EDNRA: variants seen among roughly 807,000 people sequenced by gnomAD.
EDNRA encodes the protein endothelin receptor type A.
EDNRA carries 11 observed loss-of-function variants against 41.4 expected under a neutral mutation model. The ratio of observed to expected loss-of-function variants is 0.27; its 90% confidence interval spans 0.17 to 0.44. EDNRA has a LOEUF of 0.44. EDNRA is among the 20% of genes least tolerant of loss of function. EDNRA has a pLI of 1.00. For synonymous variants in EDNRA, 172 were observed against 183.0 expected (o/e 0.94, Z 0.49); for missense variants, 294 against 531.0 (o/e 0.55, Z 4.39).
At chr4:147,531,883 G>A (rs1290144022) in intron 3 of EDNRA, among the ~76,000 whole-genome samples, 2 of 151,416 alleles carry the variant, frequency 1.3e-5, no homozygotes, top group African/African-American at 2.4e-5. Context: ...GGTGGCGGGT[G>A]CCTGTAGTCC....
intron 2 of EDNRA, chr4:147,488,872 A>G (rs1281633515): frequency 6.6e-6 from 1 of 152,194 alleles, no homozygotes; most frequent in Non-Finnish European, 1.5e-5. Context: ...TCTGTCACAT[A>G]TTAAACCTAT....
At position 147,486,035 on chromosome 4, in the gene EDNRA, G is replaced by A. The variant is rs201702493; in HGVS notation, c.354G>A (p.Leu118=). Reference sequence around the variant, plus strand: ...GTATGAGGAATGGCCCCAACGCGCTGATAGCCAGTCTTGCCCTTGGAGACC... The same window carrying A: ...GTATGAGGAATGGCCCCAACGCGCTAATAGCCAGTCTTGCCCTTGGAGACC... ...NKCMRNGPNA[L]IASLALGDLI... The change falls in exon 2 of 8, where the codon CTG becomes CTA. Residue 118 remains leucine, a synonymous_variant. Coordinates refer to ENST00000651419, the MANE Select transcript of EDNRA (RefSeq NM_001957.4). This position sits in a 1 kb window ranked among gnomAD's most constrained non-coding sequence, Gnocchi z 4.3. The A allele has an allele frequency of 5.1e-5, 83 of 1,614,114 alleles. No individual in the cohort carries two copies. In the Middle Eastern group the frequency reaches 8.2e-4, roughly 16 times the overall value.
chr4:147,491,964 C>T (rs971314787), intron 2 of EDNRA: 3 of 152,284 alleles, frequency 2.0e-5, no homozygotes, highest in African/African-American at 4.8e-5. Context: ...CGCTACCTCT[C>T]TATACTCCAG....
intron 1 of EDNRA, among the ~76,000 whole-genome samples, chr4:147,482,728 T>G (rs1379755324): frequency 1.3e-5 from 2 of 152,182 alleles, no homozygotes; most frequent in African/African-American, 4.8e-5. Context: ...AAGGGGGTTT[T>G]AATGATAGCT....
intron 6 of EDNRA, 31 bp downstream of exon 6, chr4:147,539,981 G>A (rs2126487481): frequency 1.3e-6 from 2 of 1,553,118 alleles, no homozygotes; most frequent in Non-Finnish European, 1.7e-6. Context: ...TAGAAAATTG[G>A]AGTTTCTCAG....
At chr4:147,499,202 C>A (rs998187250) in intron 2 of EDNRA, among the ~76,000 whole-genome samples, 16 of 152,186 alleles carry the variant, frequency 1.1e-4, no homozygotes, top group Non-Finnish European at 1.6e-4. Flanking sequence ...ACTACAGGCA[C>A]ATGCCACCAT....
At chr4:147,510,579 T>C (rs950850160) in intron 2 of EDNRA, among the ~76,000 whole-genome samples, 7 of 152,204 alleles carry the variant, frequency 4.6e-5, no homozygotes, top group Non-Finnish European at 1.0e-4. Flanking sequence ...TTAACTGATA[T>C]TTTTTCTACA....
chr4:147,485,164 G>A (rs556825707), intron 1 of EDNRA, among the ~76,000 whole-genome samples: 1 of 137,846 alleles, frequency 7.3e-6, no homozygotes, highest in Admixed American at 7.1e-5. Context: ...CCTGAATGTA[G>A]AGAAAGAAGT....
chr4:147,531,914 G>C (rs1730753836), intron 3 of EDNRA, among the ~76,000 whole-genome samples: 1 of 151,484 alleles, frequency 6.6e-6, no homozygotes, highest in Admixed American at 6.6e-5. Context: ...GGAGGCTGAG[G>C]CAGGAGAATG....
rs57911108 is a variant in EDNRA, at chr4:147,504,957, CAAAAAAAA to C, written c.421-14881_421-14874del. Among the ~76,000 whole-genome samples the C allele has an allele frequency of 5.1e-5, 2 of 39,046 alleles. 1 individual carries two copies. Among genetic ancestry groups the C allele is most frequent in the Admixed American group, 6.5e-4 (2 of 3,098 alleles). The allele number at this position is 39,046 out of a possible 152,430, so 25.6% of individuals were successfully genotyped here. A position where few individuals can be genotyped will look rare whatever the true frequency, so the allele number is the denominator to read the frequency against. Reference sequence around the variant, plus strand: ...TGGGCAACAAAGTGGGACCCTGTCTCAAAAAAAAAAAAAAAAAAAAGGATTCATATCTA... The same window carrying C: ...TGGGCAACAAAGTGGGACCCTGTCTCAAAAAAAAAAAAGGATTCATATCTA... On this transcript the variant is annotated intron_variant, in intron 2 of 7. Transcript: ENST00000651419.
At chr4:147,501,517 C>G in intron 2 of EDNRA, among the ~76,000 whole-genome samples, 1 of 152,212 alleles carries the variant, frequency 6.6e-6, no homozygotes, top group African/African-American at 2.4e-5. Context: ...AATTTCCCCA[C>G]TCCCACCCTC....
chr4:147,519,297 T>G lies in EDNRA; in HGVS notation c.421-554T>G, dbSNP rs573087639. 6.6e-5 allele frequency among the ~76,000 whole-genome samples: 10 copies of G among 152,280 alleles called. No homozygotes were observed. The highest frequency in any genetic ancestry group is 2.4e-4 in the African/African-American group (10 of 41,556). On this transcript the variant is annotated intron_variant, in intron 2 of 7. Transcript: ENST00000651419. This position sits in a 1 kb window ranked among gnomAD's most constrained non-coding sequence, Gnocchi z 4.1. ...ACACCACTTTGTTTTTTTCCAGTAT[T>G]CTCCCTAACCTTTCATTCTTAATTT...
At position 147,543,148 on chromosome 4, in the gene EDNRA, A is replaced by G. The variant is rs1032221488; in HGVS notation, c.*530A>G. 3 of 152,154 alleles carry G rather than the reference A, an allele frequency of 2.0e-5. No individual in the cohort carries two copies. The highest frequency in any genetic ancestry group is 6.5e-5 in the Admixed American group (1 of 15,272). The allele number at this position is 152,154 out of a possible 1,614,324, so 9.4% of individuals were successfully genotyped here. A position where few individuals can be genotyped will look rare whatever the true frequency, so the allele number is the denominator to read the frequency against. On this transcript the variant is annotated 3_prime_UTR_variant, in exon 8 of 8. Transcript: ENST00000651419. ...TTTAACTGCATAATAGCCTAACATG[A>G]TTATTTGAACTTATTTACACATAGT... is the stretch of plus-strand genomic sequence containing the variant.
intron 7 of EDNRA, 51 bp from the exon 8 acceptor site, chr4:147,542,422 TTGGCC>T: frequency 6.2e-7 from 1 of 1,610,082 alleles, no homozygotes. Context: ...GCCGCTGTGT[TTGGCC>T]GGGAATGGGC....
intron 3 of EDNRA, among the ~76,000 whole-genome samples, chr4:147,522,751 A>G (rs189279080): frequency 3.9e-5 from 6 of 152,312 alleles, no homozygotes; most frequent in African/African-American, 1.4e-4. Flanking sequence ...AAGAAAGCCA[A>G]ACTCTGAATA....
intron 7 of EDNRA, 38 bp downstream of exon 7, chr4:147,540,523 A>C: frequency 6.9e-7 from 1 of 1,441,790 alleles, no homozygotes; most frequent in African/African-American, 1.4e-5. Flanking sequence ...AAGACAACAA[A>C]ATGAGTATAT....
intron 1 of EDNRA, among the ~76,000 whole-genome samples, chr4:147,483,962 C>A (rs1359051704): frequency 6.6e-6 from 1 of 152,070 alleles, no homozygotes; most frequent in East Asian, 1.9e-4. Flanking sequence ...CTCAAGTGAT[C>A]CTCCTGCTTT....
Position 147,532,583 on chromosome 4 carries a change from T to C in EDNRA, c.626T>C (p.Ile209Thr). Residue 209 changes from isoleucine (I) to threonine (T), a missense_variant, in exon 4 of 8, where the codon ATC (isoleucine) becomes ACC (threonine). This residue lies in a region of EDNRA where 185 missense variants were observed against 390.8 expected (regional missense o/e 0.47). Transcript: ENST00000651419. ...PLVTAIEIVS[I>T]WILSFILAIP... ...GTAACTGCCATTGAAATTGTCTCCATCTGGATCCTGTCCTTTATCCTGGCC... is the reference window on the plus strand; with the variant it reads ...GTAACTGCCATTGAAATTGTCTCCACCTGGATCCTGTCCTTTATCCTGGCC... 6.2e-7 allele frequency: 1 copy of C among 1,614,136 alleles called. No individual in the cohort carries two copies. The highest frequency in any genetic ancestry group is 8.5e-7 in the Non-Finnish European group (1 of 1,180,020).
At chr4:147,524,357 T>C (rs889367031) in intron 3 of EDNRA, among the ~76,000 whole-genome samples, 1 of 152,002 alleles carries the variant, frequency 6.6e-6, no homozygotes, top group African/African-American at 2.4e-5. Context: ...GATTCCTATA[T>C]CTAGTGTCGG....
Sources: gnomAD v4.1 joint callset for allele counts (sites outside exome capture counted in the v4.1 genomes callset) on GRCh38, gnomAD v4.1.1 for gene constraint, gnomAD v4.1.1 regional missense constraint, Gnocchi (gnomAD v3.1) non-coding constraint, MANE v1.5 for transcripts, NCBI Gene and HGNC (gene_info 2026-07-23, HGNC 2026-07-21) for gene names.